Variants in ATP8A2 observed in about 807,000 individuals in gnomAD.
ATP8A2 encodes phospholipid-transporting ATPase IB.
A neutral mutation model predicts 165.6 loss-of-function variants in ATP8A2; 100 were observed. The ratio of observed to expected loss-of-function variants is 0.60; its 90% CI spans 0.51 to 0.71. The LOEUF (loss-of-function observed/expected upper bound fraction) is 0.71, where lower values mean the gene tolerates loss of function less well. ATP8A2 is among the 30% of genes least tolerant of loss of function. The pLI is 0.00. For synonymous variants in ATP8A2, 543 were observed against 548.8 expected, an observed-to-expected ratio of 0.99 and a Z score of 0.15; for missense variants, 1,227 against 1,479.5, an observed-to-expected ratio of 0.83 and a Z score of 2.80.
chr13:25,886,105 C>G (rs1471913498), intron 33 of ATP8A2, among the ~76,000 whole-genome samples: 1 of 152,154 alleles, frequency 6.6e-6, no homozygotes, highest in Non-Finnish European at 1.5e-5. Flanking sequence ...GCTTTTCCTC[C>G]AAGAATATTA....
chr13:26,011,120 C>G (rs928614130), intron 35 of ATP8A2, among the ~76,000 whole-genome samples: 1 of 152,144 alleles, frequency 6.6e-6, no homozygotes, highest in South Asian at 2.1e-4. Flanking sequence ...TATCCCCTCA[C>G]GTTCCCACAA....
intron 1 of ATP8A2, among the ~76,000 whole-genome samples, chr13:25,420,526 A>C (rs1159157212): frequency 6.6e-6 from 1 of 152,230 alleles, no homozygotes; most frequent in Non-Finnish European, 1.5e-5. Context: ...TACAAAATAA[A>C]ATTTTTGGTG....
intron 17 of ATP8A2, among the ~76,000 whole-genome samples, 153 bp from the exon 18 acceptor site, chr13:25,571,457 G>C (rs991298408): frequency 2.6e-5 from 4 of 152,226 alleles, no homozygotes; most frequent in African/African-American, 9.6e-5. Context: ...GGTAGGAAAA[G>C]CAAGTGCTTC....
At chr13:25,836,729 T>A (rs1373390379) in intron 28 of ATP8A2, among the ~76,000 whole-genome samples, 1 of 152,188 alleles carries the variant, frequency 6.6e-6, no homozygotes, top group Non-Finnish European at 1.5e-5. Flanking sequence ...ATTGTAAATG[T>A]CTGTTGAATG....
At chr13:25,586,107 G>T (rs7331915) in intron 23 of ATP8A2, among the ~76,000 whole-genome samples, 90,317 of 152,058 alleles carry the variant, frequency 0.59, 28,503 homozygotes, top group Middle Eastern at 0.71. Flanking sequence ...AATTTAAAAG[G>T]CATTATCCCC....
chr13:25,739,200 G>A (rs2043853461), intron 25 of ATP8A2, among the ~76,000 whole-genome samples: 1 of 152,334 alleles, frequency 6.6e-6, no homozygotes, highest in Middle Eastern at 3.4e-3. Flanking sequence ...GCCTTCCATG[G>A]CACATGCTAA....
At chr13:26,013,271 C>T (rs919675661) in intron 36 of ATP8A2, among the ~76,000 whole-genome samples, 3 of 152,152 alleles carry the variant, frequency 2.0e-5, no homozygotes, top group Non-Finnish European at 4.4e-5. Context: ...GCGGCCTTCC[C>T]CAGCCCCCTC....
At chr13:25,977,448 C>T (rs976527446) in intron 35 of ATP8A2, among the ~76,000 whole-genome samples, 4 of 152,148 alleles carry the variant, frequency 2.6e-5, no homozygotes, top group African/African-American at 7.2e-5. Flanking sequence ...AAAGGCTGCC[C>T]GCATGACCCA....
intron 2 of ATP8A2, among the ~76,000 whole-genome samples, chr13:25,487,695 A>T (rs1399351032): frequency 1.3e-5 from 2 of 152,212 alleles, no homozygotes; most frequent in East Asian, 3.8e-4. Context: ...AATAGGATGA[A>T]TGTGTTTCAG....
chr13:25,434,114 A>G (rs895302081), intron 1 of ATP8A2, among the ~76,000 whole-genome samples: 5 of 152,190 alleles, frequency 3.3e-5, no homozygotes, highest in African/African-American at 1.2e-4. Flanking sequence ...CCGAATGTAA[A>G]AAAGAAGAAA....
chr13:25,910,827 T>C (rs1244895888), intron 33 of ATP8A2, among the ~76,000 whole-genome samples: 3 of 152,184 alleles, frequency 2.0e-5, no homozygotes, highest in Non-Finnish European at 2.9e-5. Flanking sequence ...GTCTGCTGTA[T>C]GTCACATTTT....
intron 27 of ATP8A2, among the ~76,000 whole-genome samples, chr13:25,787,064 T>A (rs113238630): frequency 1.3e-5 from 2 of 152,224 alleles, no homozygotes; most frequent in Non-Finnish European, 2.9e-5. Context: ...ATTACAGGCA[T>A]GAGCCACCGT....
At position 25,860,849 on chromosome 13, in the gene ATP8A2, G is replaced by C; in HGVS notation, c.3064G>C (p.Ala1022Pro). 1.3e-6 allele frequency: 2 copies of C among 1,592,694 alleles called. No homozygotes were observed. Among genetic ancestry groups the C allele is most frequent in the African/African-American group, 1.3e-5 (1 of 74,840 alleles). Residue 1022 changes from alanine (A) to proline (P), a missense_variant, in exon 32 of 37, where the codon GCT becomes CCT. Ala to Pro is a conservative substitution (Grantham distance 27). Coordinates refer to ENST00000381655, the MANE Select transcript of ATP8A2 (RefSeq NM_016529.6). ...TCTGAAAGCTGGTTTGGAGACCACAGCTTGGACTAAAGTAAGTTTTCTCTA... is the reference window on the plus strand; with the variant it reads ...TCTGAAAGCTGGTTTGGAGACCACACCTTGGACTAAAGTAAGTTTTCTCTA... ...VCLKAGLETTAWTKFSHLAVW... is the reference protein window; with the variant it reads ...VCLKAGLETTPWTKFSHLAVW...
chr13:26,024,534 G>C lies in ATP8A2; in HGVS notation c.*4549G>C, dbSNP rs1264271611. 2.6e-5 allele frequency: 4 copies of C among 152,372 alleles called. No homozygotes were observed. The highest frequency in any genetic ancestry group is 3.4e-3 in the Middle Eastern group (1 of 294). 9.4% of individuals were successfully genotyped at this position (152,372 alleles called of 1,614,324 possible). Reference sequence around the variant, plus strand: ...GAATGGGCAGAAGCCACAAACAAATGGGAGCAGAAAAGAAGGGCGAGCTCC... The same window carrying C: ...GAATGGGCAGAAGCCACAAACAAATCGGAGCAGAAAAGAAGGGCGAGCTCC... On this transcript the variant is annotated 3_prime_UTR_variant, in exon 37 of 37. Transcript: ENST00000381655.
At chr13:25,761,334 C>G (rs934368516) in intron 25 of ATP8A2, among the ~76,000 whole-genome samples, 2 of 152,070 alleles carry the variant, frequency 1.3e-5, no homozygotes, top group African/African-American at 2.4e-5. Flanking sequence ...ATGAGATATA[C>G]GTTTGTCATA....
intron 35 of ATP8A2, among the ~76,000 whole-genome samples, chr13:26,002,724 A>C (rs538106668): frequency 6.6e-6 from 1 of 152,208 alleles, no homozygotes; most frequent in South Asian, 2.1e-4. Context: ...TTCCATATAT[A>C]AATGAGATCA....
rs146584203 is a variant in ATP8A2, at chr13:25,713,901, A to G, written c.2384+14556A>G. On this transcript the variant is annotated intron_variant, in intron 25 of 36. Coordinates refer to ENST00000381655, the MANE Select transcript of ATP8A2 (RefSeq NM_016529.6). ...TCAGGGCCTGGGAGAAGAGCTGGCC[A>G]GTAAAAATTACGTAGACTGTACAGT... is the stretch of plus-strand genomic sequence containing the variant. 1.3e-3 allele frequency among the ~76,000 whole-genome samples: 196 copies of G among 152,284 alleles called. 1 individual carries two copies. The Middle Eastern group carries it at 0.024, about 18-fold the overall frequency.
At chr13:25,462,598 G>A (rs1239922987) in intron 1 of ATP8A2, among the ~76,000 whole-genome samples, 1 of 152,146 alleles carries the variant, frequency 6.6e-6, no homozygotes, top group African/African-American at 2.4e-5. Context: ...GTTTCATTAT[G>A]TGGGATTATT....
intron 33 of ATP8A2, among the ~76,000 whole-genome samples, chr13:25,921,601 A>C (rs1285631057): frequency 6.7e-6 from 1 of 148,664 alleles, no homozygotes; most frequent in East Asian, 2.0e-4. Context: ...CCAGCCTGGC[A>C]ACAGAGCTAG....
Sources: gnomAD v4.1 joint callset for allele counts (sites outside exome capture counted in the v4.1 genomes callset) on GRCh38, gnomAD v4.1.1 for gene constraint, MANE v1.5 for transcripts, NCBI Gene and HGNC (gene_info 2026-07-23, HGNC 2026-07-21) for gene names.